LRRTM4: variants seen among roughly 807,000 people sequenced by gnomAD.
LRRTM4 encodes leucine rich repeat transmembrane neuronal 4.
LRRTM4 carries 25 observed loss-of-function variants against 47.6 expected under a neutral mutation model. The ratio of observed to expected loss-of-function variants is 0.53; its 90% CI spans 0.38 to 0.73. LRRTM4 has a LOEUF of 0.73. Among genes scored for constraint, LRRTM4 ranks in the 30% least tolerant of loss-of-function variants. The probability of loss-of-function intolerance (pLI) is 0.00; values close to 1 mark genes in which losing one functional copy is unlikely to be tolerated. For missense variants in LRRTM4, 638 were observed against 713.4 expected, an observed-to-expected ratio of 0.89 and a Z score of 1.20; for synonymous variants, 311 against 269.5, an observed-to-expected ratio of 1.15 and a Z score of -1.51.
intron 3 of LRRTM4, among the ~76,000 whole-genome samples, chr2:76,883,517 T>A (rs113590578): frequency 2.0e-5 from 3 of 152,262 alleles, no homozygotes; most frequent in African/African-American, 7.2e-5. Flanking sequence ...AATTTACACA[T>A]GCCCCACTGG....
intron 3 of LRRTM4, among the ~76,000 whole-genome samples, chr2:77,163,104 G>A (rs1265175111): frequency 6.6e-6 from 1 of 152,082 alleles, no homozygotes; most frequent in African/African-American, 2.4e-5. Context: ...AATGGCTAAC[G>A]AGAATAAACA....
intron 3 of LRRTM4, among the ~76,000 whole-genome samples, chr2:77,265,852 G>GA (rs758784990): frequency 3.9e-5 from 6 of 151,988 alleles, no homozygotes; most frequent in African/African-American, 7.2e-5. Flanking sequence ...GATTATTTTA[G>GA]AAAAAAATGC....
At chr2:77,229,558 T>A (rs1674907661) in intron 3 of LRRTM4, among the ~76,000 whole-genome samples, 1 of 152,082 alleles carries the variant, frequency 6.6e-6, no homozygotes, top group Admixed American at 6.6e-5. Context: ...CCCGGCATCC[T>A]TATTGACCTC....
At chr2:76,938,276 CCTAA>C (rs1415088785) in intron 3 of LRRTM4, among the ~76,000 whole-genome samples, 2 of 152,068 alleles carry the variant, frequency 1.3e-5, no homozygotes, top group African/African-American at 2.4e-5. Flanking sequence ...ATCATTTGGT[CCTAA>C]CTGTCTGGCA....
At chr2:77,012,599 A>G (rs999417905) in intron 3 of LRRTM4, among the ~76,000 whole-genome samples, 1 of 151,992 alleles carries the variant, frequency 6.6e-6, no homozygotes, top group Non-Finnish European at 1.5e-5. Context: ...TTGTTAAAGT[A>G]AAAGTATCAT....
chr2:77,438,534 A>C (rs774670367), intron 3 of LRRTM4, among the ~76,000 whole-genome samples: 27 of 150,232 alleles, frequency 1.8e-4, no homozygotes, highest in African/African-American at 6.4e-4. Context: ...AGCCTCCCGA[A>C]TAGCTGGGAC....
At chr2:77,134,614 T>C (rs1357677438) in intron 3 of LRRTM4, among the ~76,000 whole-genome samples, 1 of 152,188 alleles carries the variant, frequency 6.6e-6, no homozygotes, top group Non-Finnish European at 1.5e-5. Context: ...CAGTGAGCTT[T>C]CCTTTTATTT....
At chr2:77,493,109 C>G (rs537198904) in intron 3 of LRRTM4, among the ~76,000 whole-genome samples, 2 of 152,114 alleles carry the variant, frequency 1.3e-5, no homozygotes, top group South Asian at 2.1e-4. Flanking sequence ...TATCAGTGAT[C>G]CGAAACATAC....
chr2:76,974,694 G>A (rs1676358961), intron 3 of LRRTM4, among the ~76,000 whole-genome samples: 1 of 151,608 alleles, frequency 6.6e-6, no homozygotes, highest in African/African-American at 2.4e-5. Flanking sequence ...GAAAAATTGT[G>A]AAATTTGAGA....
chr2:76,829,128 A>T (rs969239275), intron 3 of LRRTM4, among the ~76,000 whole-genome samples: 3 of 151,924 alleles, frequency 2.0e-5, no homozygotes, highest in Non-Finnish European at 4.4e-5. Flanking sequence ...TTTTCTGCTC[A>T]AATGTTCCCA....
chr2:77,449,319 A>G (rs539041511), intron 3 of LRRTM4, among the ~76,000 whole-genome samples: 1 of 152,262 alleles, frequency 6.6e-6, no homozygotes, highest in African/African-American at 2.4e-5. Flanking sequence ...TGGCTGTTTC[A>G]CTTATTAATT....
chr2:76,954,570 A>G (rs185912743), intron 3 of LRRTM4, among the ~76,000 whole-genome samples: 34 of 151,868 alleles, frequency 2.2e-4, no homozygotes, highest in Non-Finnish European at 3.8e-4. Flanking sequence ...TCAAATGAAC[A>G]AATACGGGAG....
At chr2:77,212,856 C>T (rs1463274046) in intron 3 of LRRTM4, among the ~76,000 whole-genome samples, 1 of 151,988 alleles carries the variant, frequency 6.6e-6, no homozygotes, top group African/African-American at 2.4e-5. Context: ...ATTTTGTGCA[C>T]TTAGTTCTTG....
At chr2:77,297,057 ATCT>A (rs1415064402) in intron 3 of LRRTM4, among the ~76,000 whole-genome samples, 6 of 151,872 alleles carry the variant, frequency 4.0e-5, no homozygotes, top group South Asian at 2.1e-4. Flanking sequence ...GCATTAGTAA[ATCT>A]TCTTATTGTT....
chr2:76,771,607 G>A (rs1673708912), intron 3 of LRRTM4, among the ~76,000 whole-genome samples: 1 of 148,262 alleles, frequency 6.7e-6, no homozygotes, highest in South Asian at 2.1e-4. Context: ...CAAGAAGACT[G>A]CGTGCTGTAC....
chr2:77,370,764 C>A (rs1466968809), intron 3 of LRRTM4, among the ~76,000 whole-genome samples: 1 of 151,660 alleles, frequency 6.6e-6, no homozygotes, highest in Non-Finnish European at 1.5e-5. Flanking sequence ...GTGCTCTTGT[C>A]GTGTCAGAGG....
rs1029907307 is a variant in LRRTM4 at position 77,035,418 on chromosome 2, G to T, written c.1552-286502C>A. 2.0e-5 allele frequency among the ~76,000 whole-genome samples: 3 copies of T among 151,694 alleles called. No homozygotes were observed. The South Asian group carries it at 6.2e-4, about 32-fold the overall frequency. On this transcript the variant is annotated intron_variant, in intron 3 of 3. Coordinates refer to ENST00000409884, the MANE Select transcript of LRRTM4 (RefSeq NM_001134745.3). ...GAAACAGCATGTCCATCACTACGAA[G>T]GTCCGTCCTCCCTTTTACAGCCACA...
At chr2:77,203,555 A>T (rs1233688927) in intron 3 of LRRTM4, among the ~76,000 whole-genome samples, 1 of 152,116 alleles carries the variant, frequency 6.6e-6, no homozygotes, top group African/African-American at 2.4e-5. Flanking sequence ...GTGAAGGTAA[A>T]AACTCAAGAC....
At chr2:77,515,411 A>T (rs1679169454) in intron 3 of LRRTM4, among the ~76,000 whole-genome samples, 1 of 151,990 alleles carries the variant, frequency 6.6e-6, no homozygotes, top group South Asian at 2.1e-4. Flanking sequence ...TTTAAAAGAA[A>T]CAAGCAAAAT....
Sources: allele counts gnomAD v4.1 joint callset (sites outside exome capture counted in the v4.1 genomes callset), GRCh38; gene constraint gnomAD v4.1.1; transcripts MANE v1.5; gene names NCBI Gene and HGNC (gene_info 2026-07-23, HGNC 2026-07-21).